Variants in ZP3 observed in about 807,000 individuals in gnomAD.
ZP3 encodes the protein zona pellucida glycoprotein 3.
Under a neutral mutation model 35.6 loss-of-function variants are expected in ZP3, and 21 were observed. That is an observed-to-expected ratio of 0.59 (90% CI 0.42 to 0.85). The LOEUF is 0.85. Ranked by LOEUF, ZP3 falls within the 40% of genes least tolerant of loss-of-function variation. The pLI, the probability that ZP3 is intolerant of heterozygous loss-of-function variation, is 0.00. For synonymous variants in ZP3, 207 were observed against 214.5 expected, an observed-to-expected ratio of 0.96 and a Z score of 0.31; for missense variants, 437 against 536.5, an observed-to-expected ratio of 0.81 and a Z score of 1.83.
intron 1 of ZP3, among the ~76,000 whole-genome samples, chr7:76,419,661 T>C (rs563667890): frequency 3.3e-5 from 4 of 119,774 alleles, no homozygotes; most frequent in South Asian, 2.6e-4. Context: ...CTCTCTCTCT[T>C]TCTTTCTTTC....
At position 76,425,227 on chromosome 7, in the gene ZP3, A is replaced by G; in HGVS notation, c.263A>G (p.Asp88Gly). ...CEPLVSMDTEDVVRFEVGLHE... is the reference protein window; with the variant it reads ...CEPLVSMDTEGVVRFEVGLHE... Reference sequence around the variant, plus strand: ...CCTCTGGTCTCCATGGACACAGAAGATGTGGTCAGGTTTGAGGTTGGACTC... The same window carrying G: ...CCTCTGGTCTCCATGGACACAGAAGGTGTGGTCAGGTTTGAGGTTGGACTC... The change falls in exon 1 of 8, where the codon GAT (aspartate) becomes GGT (glycine). Residue 88 changes from aspartate (D) to glycine (G), a missense_variant. Asp to Gly is a moderately conservative substitution (Grantham distance 94, BLOSUM62 -1). This residue lies in a region of ZP3 where 352 missense variants were observed against 308.4 expected (regional missense o/e 1.14). Transcript: ENST00000394857. The G allele has an allele frequency of 6.2e-7, 1 of 1,613,692 alleles. No individual in the cohort carries two copies. The highest frequency in any genetic ancestry group is 1.7e-4 in the Middle Eastern group (1 of 6,058).
chr7:76,433,634 G>C lies in ZP3; in HGVS notation c.700G>C (p.Val234Leu), dbSNP rs762295444. ...GAATGCCTCCCCTTATCACACCATCGTGGACTTCCATGGGTGAGCACTGGG... is the reference window on the plus strand; with the variant it reads ...GAATGCCTCCCCTTATCACACCATCCTGGACTTCCATGGGTGAGCACTGGG... ...DQNASPYHTI[V>L]DFHGCLVDGL... Residue 234 changes from valine (V) to leucine (L), a missense_variant, in exon 4 of 8, where the codon GTG becomes CTG. This residue lies in a region of ZP3 where 352 missense variants were observed against 308.4 expected (regional missense o/e 1.14). Coordinates refer to ENST00000394857, the MANE Select transcript of ZP3 (RefSeq NM_001110354.2). 4.4e-6 allele frequency: 7 copies of C among 1,608,622 alleles called. No homozygotes were observed. Among genetic ancestry groups the C allele is most frequent in the Non-Finnish European group, 6.0e-6 (7 of 1,176,404 alleles).
In ZP3 at chr7:76,433,594, A is replaced by T; in HGVS notation, c.660A>T (p.Thr220=). 1 of 1,614,126 alleles carries T rather than the reference A, an allele frequency of 6.2e-7. No homozygotes were observed. Among genetic ancestry groups the T allele is most frequent in the Non-Finnish European group, 8.5e-7 (1 of 1,179,996 alleles). ...LRLFVDHCVA[T]PTPDQNASPY... ...TGTTTGTGGACCACTGCGTGGCCACACCGACACCAGACCAGAATGCCTCCC... is the reference window on the plus strand; with the variant it reads ...TGTTTGTGGACCACTGCGTGGCCACTCCGACACCAGACCAGAATGCCTCCC... Residue 220 remains threonine (T), a synonymous_variant, in exon 4 of 8, where the codon ACA becomes ACT. Coordinates refer to ENST00000394857, the MANE Select transcript of ZP3 (RefSeq NM_001110354.2).
Position 76,425,034 on chromosome 7 carries a change from C to A in ZP3, c.70C>A (p.Pro24Thr). The change falls in exon 1 of 8, where the codon CCC (proline) becomes ACC (threonine). Residue 24 changes from proline to threonine, a missense_variant. Transcript: ENST00000394857. Reference protein sequence around the residue: ...WGSTELCYPQPLWLLQGGASH... With the variant: ...WGSTELCYPQTLWLLQGGASH... The stretch of plus-strand genomic sequence containing the variant: ...TAGTACTGAGCTGTGCTACCCCCAA[C>A]CCCTCTGGCTCTTGCAGGGTGGAGC... 1 of 1,599,574 alleles carries A rather than the reference C, an allele frequency of 6.3e-7. No individual in the cohort carries two copies. The highest frequency in any genetic ancestry group is 8.5e-7 in the Non-Finnish European group (1 of 1,173,542).
chr7:76,397,708 GA>G, exon 1 of ZP3: 2 of 1,613,448 alleles, frequency 1.2e-6, no homozygotes, highest in Non-Finnish European at 1.7e-6. Flanking sequence ...GCTGACGACA[GA>G]CCACAGCGGC....
intron 1 of ZP3, among the ~76,000 whole-genome samples, chr7:76,427,280 G>C (rs1190381300): frequency 1.3e-5 from 2 of 152,150 alleles, no homozygotes; most frequent in African/African-American, 4.8e-5. Context: ...ACTTTGGGAG[G>C]CCGAGGCGGG....
At chr7:76,432,631 G>A (rs1805864494) in intron 2 of ZP3, among the ~76,000 whole-genome samples, 2 of 152,082 alleles carry the variant, frequency 1.3e-5, no homozygotes, top group African/African-American at 4.8e-5. Context: ...GCTCAAGAGG[G>A]AGCAGATCTC....
intron 1 of ZP3, among the ~76,000 whole-genome samples, chr7:76,399,433 A>T (rs1029686642): frequency 2.0e-5 from 3 of 152,140 alleles, no homozygotes; most frequent in Non-Finnish European, 2.9e-5. Flanking sequence ...CTGTGTTTTC[A>T]TGAGACCCCC....
intron 1 of ZP3, among the ~76,000 whole-genome samples, chr7:76,415,194 G>A (rs1805339897): frequency 6.6e-6 from 1 of 151,494 alleles, no homozygotes; most frequent in Non-Finnish European, 1.5e-5. Context: ...TGGCCAACAT[G>A]GTGAAACCCT....
Position 76,425,254 on chromosome 7 carries a change from A to C in ZP3, c.290A>C (p.His97Pro). 6.2e-7 allele frequency: 1 copy of C among 1,609,572 alleles called. No individual in the cohort carries two copies. Among genetic ancestry groups the C allele is most frequent in the Non-Finnish European group, 8.5e-7 (1 of 1,177,244 alleles). ...GTGGTCAGGTTTGAGGTTGGACTCC[A>C]CGAGTGTGGCAACAGCATGCAGGTA... is the stretch of plus-strand genomic sequence containing the variant. ...EDVVRFEVGL[H>P]ECGNSMQVTD... The change falls in exon 1 of 8, where the codon CAC becomes CCC. Residue 97 changes from histidine (H) to proline (P), a missense_variant. His to Pro is a moderately conservative substitution (Grantham distance 77). Coordinates refer to ENST00000394857, the MANE Select transcript of ZP3 (RefSeq NM_001110354.2).
intron 1 of ZP3, chr7:76,397,846 CG>C (rs1563682804): frequency 3.3e-6 from 5 of 1,532,296 alleles, no homozygotes; most frequent in Non-Finnish European, 4.4e-6. Flanking sequence ...GGGATGGGGG[CG>C]GGGGTCAGGG....
intron 1 of ZP3, chr7:76,397,921 A>G (rs1804695046): frequency 7.6e-7 from 1 of 1,315,322 alleles, no homozygotes; most frequent in Non-Finnish European, 1.0e-6. Context: ...CCCAGGATCT[A>G]CAACCCTTGG....
At chr7:76,400,516 A>T (rs1179460198) in intron 1 of ZP3, 1 of 1,584,938 alleles carries the variant, frequency 6.3e-7, no homozygotes, top group Admixed American at 1.8e-5. Flanking sequence ...GTCATCACAG[A>T]CGCTGCCCCA....
At chr7:76,429,667 A>G (rs1563699406) in intron 2 of ZP3, 34 bp downstream of exon 2, 1 of 1,588,350 alleles carries the variant, frequency 6.3e-7, no homozygotes, top group East Asian at 2.2e-5. Context: ...CCCCTGGTGC[A>G]AAAGCCCCTT....
exon 1 of ZP3, chr7:76,397,610 T>C: frequency 6.2e-7 from 1 of 1,611,698 alleles, no homozygotes; most frequent in Non-Finnish European, 8.5e-7. Context: ...CTCGCCGCCT[T>C]CGCAGTGCAC....
intron 5 of ZP3, among the ~76,000 whole-genome samples, chr7:76,438,538 G>GAAGAAAAAAAAAA (rs1806096737): frequency 1.1e-5 from 1 of 88,560 alleles, no homozygotes; most frequent in African/African-American, 5.4e-5. Context: ...CTCCGTCTCA[G>GAAGAAAAAAAAAA]AAAAAAAAAA....
chr7:76,425,100 T>C lies in ZP3; in HGVS notation c.136T>C (p.Cys46Arg). 6.2e-7 allele frequency: 1 copy of C among 1,613,324 alleles called. No individual in the cohort carries two copies. The highest frequency in any genetic ancestry group is 8.5e-7 in the Non-Finnish European group (1 of 1,179,882). ...ETSVQPVLVE[C>R]QEATLMVMVS... ...GTCCGTACAGCCCGTACTGGTGGAG[T>C]GTCAGGAGGCCACTCTGATGGTCAT... The change falls in exon 1 of 8, where the codon TGT (cysteine) becomes CGT (arginine). Residue 46 changes from cysteine to arginine, a missense_variant. This residue lies in a region of ZP3 where 352 missense variants were observed against 308.4 expected (regional missense o/e 1.14). Transcript: ENST00000394857.
rs564160574 is a variant in ZP3 at position 76,436,354 on chromosome 7, A to G, written c.831+2199A>G. On this transcript the variant is annotated intron_variant, in intron 5 of 7. Transcript: ENST00000394857. ...GAGCCACTGTACCCGGCCTGCTAGCATTTTACTGTTATCCTCCATCTACTG... is the reference window on the plus strand; with the variant it reads ...GAGCCACTGTACCCGGCCTGCTAGCGTTTTACTGTTATCCTCCATCTACTG... Among the ~76,000 whole-genome samples, 224 of 151,974 alleles carry G rather than the reference A, an allele frequency of 1.5e-3. No homozygotes were observed. In the East Asian group the frequency reaches 0.042, roughly 28 times the overall value.
chr7:76,409,674 C>T (rs1372858640), intron 1 of ZP3: 1 of 152,494 alleles, frequency 6.6e-6, no homozygotes, highest in Non-Finnish European at 1.5e-5. Context: ...TGGCCGGCAC[C>T]AGCTGGAGCG....
Sources: allele counts gnomAD v4.1 joint callset (sites outside exome capture counted in the v4.1 genomes callset), GRCh38; gene constraint gnomAD v4.1.1; regional missense constraint gnomAD v4.1.1; transcripts MANE v1.5; gene names NCBI Gene and HGNC (gene_info 2026-07-23, HGNC 2026-07-21).